Variants in ELMO1 observed in about 807,000 individuals in gnomAD.
ELMO1 encodes the protein engulfment and cell motility 1, also known as engulfment and cell motility protein 1.
In ELMO1, 26 loss-of-function variants were observed where a neutral mutation model predicts 98.9. The ratio of observed to expected loss-of-function variants is 0.26; its 90% CI spans 0.19 to 0.36. The LOEUF is 0.36. Ranked by LOEUF, ELMO1 falls within the 10% of genes least tolerant of loss-of-function variation. The pLI, the probability that ELMO1 is intolerant of heterozygous loss-of-function variation, is 1.00. For synonymous variants in ELMO1, 346 were observed against 346.0 expected, an observed-to-expected ratio of 1.00 and a Z score of 0.00; for missense variants, 627 against 935.2, an observed-to-expected ratio of 0.67 and a Z score of 4.30.
intron 16 of ELMO1, chr7:36,986,052 C>T: frequency 1.0e-6 from 1 of 1,000,224 alleles, no homozygotes; most frequent in African/African-American, 1.7e-5. Context: ...CCTGAGTAAG[C>T]TTGTTCATGA....
At chr7:37,285,379 T>C (rs1797341122) in intron 4 of ELMO1, among the ~76,000 whole-genome samples, 1 of 152,248 alleles carries the variant, frequency 6.6e-6, no homozygotes, top group Admixed American at 6.5e-5. Context: ...ATGGTTTCTG[T>C]ATCCTGACTA....
intron 19 of ELMO1, among the ~76,000 whole-genome samples, chr7:36,873,425 T>C (rs1803697850): frequency 6.6e-6 from 1 of 152,136 alleles, no homozygotes; most frequent in Admixed American, 6.5e-5. Context: ...AGAATCAGGG[T>C]CACCAGTGAA....
intron 15 of ELMO1, among the ~76,000 whole-genome samples, chr7:37,059,940 T>G (rs1199200532): frequency 6.6e-6 from 1 of 152,200 alleles, no homozygotes; most frequent in Non-Finnish European, 1.5e-5. Flanking sequence ...ACAATATCAC[T>G]TTTAGAGTTT....
chr7:36,900,709 T>C (rs568558267), intron 16 of ELMO1, among the ~76,000 whole-genome samples: 1 of 152,194 alleles, frequency 6.6e-6, no homozygotes, highest in Admixed American at 6.5e-5. Context: ...AAAAGTACAA[T>C]CTACCCCCAA....
intron 14 of ELMO1, among the ~76,000 whole-genome samples, chr7:37,121,469 A>G (rs28861813): frequency 0.98 from 149,221 of 152,328 alleles, 73,094 homozygotes; most frequent in East Asian, 1. Context: ...TGAGAACCAC[A>G]TGATAAATGC....
At chr7:37,423,006 CA>C (rs1355047367) in intron 1 of ELMO1, among the ~76,000 whole-genome samples, 1 of 152,230 alleles carries the variant, frequency 6.6e-6, no homozygotes, top group Non-Finnish European at 1.5e-5. Context: ...AGAAGCATTA[CA>C]TAACTTGTTT....
At chr7:36,906,528 G>A (rs575758323) in intron 16 of ELMO1, among the ~76,000 whole-genome samples, 6 of 152,110 alleles carry the variant, frequency 3.9e-5, no homozygotes, top group South Asian at 2.1e-4. Context: ...GCCTATATTC[G>A]CTCAGCTAAC....
At chr7:37,320,621 A>G (rs567581176) in intron 2 of ELMO1, among the ~76,000 whole-genome samples, 5 of 152,286 alleles carry the variant, frequency 3.3e-5, no homozygotes, top group Non-Finnish European at 7.3e-5. Context: ...CATTAAATTA[A>G]TAACTTCTGA....
rs542027978 is a variant in ELMO1, at chr7:37,143,542, G to T, written c.1087-10308C>A. Among the ~76,000 whole-genome samples the T allele has an allele frequency of 4.5e-4, 69 of 151,910 alleles. 1 individual carries two copies. The highest frequency in any genetic ancestry group is 1.6e-3 in the African/African-American group (65 of 41,392). On this transcript the variant is annotated intron_variant, in intron 13 of 21. Transcript: ENST00000310758. ...TTGCCTCAGCCTCCTGAGTAGCTGGGACTACAGATGCCTGCCACCATGCCT... is the reference window on the plus strand; with the variant it reads ...TTGCCTCAGCCTCCTGAGTAGCTGGTACTACAGATGCCTGCCACCATGCCT...
intron 16 of ELMO1, among the ~76,000 whole-genome samples, chr7:36,925,723 G>A (rs1000343379): frequency 6.6e-6 from 1 of 152,174 alleles, no homozygotes; most frequent in Non-Finnish European, 1.5e-5. Context: ...AAGGCAAAAG[G>A]TCCAAATGCC....
intron 4 of ELMO1, among the ~76,000 whole-genome samples, chr7:37,306,494 G>A (rs533411704): frequency 1.6e-4 from 25 of 152,298 alleles, no homozygotes; most frequent in African/African-American, 6.0e-4. Context: ...CTACAAGCCA[G>A]TATGAATTCA....
Position 37,082,424 on chromosome 7 carries a change from C to G in ELMO1, c.1300+14195G>C, listed in dbSNP as rs538355501. Among the ~76,000 whole-genome samples the G allele has an allele frequency of 3.2e-4, 49 of 152,202 alleles. No individual in the cohort carries two copies. In the South Asian group the frequency reaches 8.1e-3, roughly 25 times the overall value. On this transcript the variant is annotated intron_variant, in intron 15 of 21. Transcript: ENST00000310758. ...AGAATGAGAAAAGCATATTTCACAG[C>G]CAGGTACGGTGGCTCATGTCTGTAA...
chr7:37,346,807 C>CA (rs1163803193), intron 1 of ELMO1, among the ~76,000 whole-genome samples: 7 of 152,070 alleles, frequency 4.6e-5, no homozygotes, highest in African/African-American at 7.2e-5. Context: ...AGAATTACAG[C>CA]AAAAAAGGTC....
intron 1 of ELMO1, among the ~76,000 whole-genome samples, chr7:37,363,701 A>T (rs1420678423): frequency 6.6e-6 from 1 of 152,172 alleles, no homozygotes; most frequent in East Asian, 1.9e-4. Flanking sequence ...TTTTTGCTAG[A>T]AGGGGAAAAA....
chr7:37,000,992 C>T (rs1792630363), intron 16 of ELMO1, among the ~76,000 whole-genome samples: 1 of 151,638 alleles, frequency 6.6e-6, no homozygotes, highest in African/African-American at 2.4e-5. Context: ...TCCAACCAAT[C>T]TTCTTGGAAA....
At chr7:37,013,905 T>G (rs1793735969) in intron 15 of ELMO1, among the ~76,000 whole-genome samples, 1 of 152,234 alleles carries the variant, frequency 6.6e-6, no homozygotes. Context: ...CCATGATTAT[T>G]TCTCCAGGAG....
At chr7:37,224,820 A>G in intron 9 of ELMO1, 59 bp downstream of exon 9, 1 of 1,594,972 alleles carries the variant, frequency 6.3e-7, no homozygotes, top group South Asian at 1.1e-5. Context: ...TTCCCAGTGC[A>G]TTACCGTGGC....
intron 1 of ELMO1, among the ~76,000 whole-genome samples, chr7:37,410,040 C>T (rs1477307956): frequency 1.3e-5 from 2 of 152,216 alleles, no homozygotes; most frequent in African/African-American, 4.8e-5. Context: ...GCAACGAAGC[C>T]AGGATCCAAA....
chr7:37,447,230 A>C (rs962963755), intron 1 of ELMO1, among the ~76,000 whole-genome samples: 1 of 152,212 alleles, frequency 6.6e-6, no homozygotes, highest in African/African-American at 2.4e-5. Context: ...CTTTTATAGA[A>C]GCAAAAGAGA....
Sources: gnomAD v4.1 joint callset for allele counts (sites outside exome capture counted in the v4.1 genomes callset) on GRCh38, gnomAD v4.1.1 for gene constraint, MANE v1.5 for transcripts, NCBI Gene and HGNC (gene_info 2026-07-23, HGNC 2026-07-21) for gene names.